The following FZD3 variants were observed in gnomAD, a reference collection of about 807,000 sequenced individuals.
FZD3 encodes the protein frizzled class receptor 3.
In FZD3, 30 loss-of-function variants were observed where a neutral mutation model predicts 60.7. The observed-to-expected ratio is 0.49, with a 90% CI of 0.37 to 0.67. FZD3 has a LOEUF of 0.67. Among genes scored for constraint, FZD3 ranks in the 30% least tolerant of loss-of-function variants. The probability of loss-of-function intolerance (pLI) is 0.00; values close to 1 mark genes in which losing one functional copy is unlikely to be tolerated. For missense variants in FZD3, 605 were observed against 838.7 expected (o/e 0.72, Z 3.44); for synonymous variants, 246 against 275.2 (o/e 0.89, Z 1.05).
chr8:28,562,725 T>A, intron 7 of FZD3, 73 bp from the exon 8 acceptor site: 1 of 927,114 alleles, frequency 1.1e-6, no homozygotes, highest in Non-Finnish European at 1.7e-6. Context: ...GAGGCATTTT[T>A]ATGAAAATTA....
At chr8:28,531,388 AATTT>A (rs987926299) in intron 5 of FZD3, among the ~76,000 whole-genome samples, 25 of 152,162 alleles carry the variant, frequency 1.6e-4, no homozygotes, top group Admixed American at 1.6e-3. Flanking sequence ...ACTATACTGC[AATTT>A]ATTCACTCAT....
intron 5 of FZD3, among the ~76,000 whole-genome samples, chr8:28,536,983 C>A (rs1323667298): frequency 1.3e-5 from 2 of 152,058 alleles, no homozygotes; most frequent in African/African-American, 4.8e-5. Context: ...ATGAGTAATT[C>A]TTTTGTATAA....
chr8:28,541,230 C>G (rs982682838), intron 5 of FZD3, among the ~76,000 whole-genome samples: 1 of 152,182 alleles, frequency 6.6e-6, no homozygotes, highest in Non-Finnish European at 1.5e-5. Flanking sequence ...CCCTCTGGCT[C>G]CAACACTCTG....
At chr8:28,553,234 A>T (rs980200983) in intron 6 of FZD3, among the ~76,000 whole-genome samples, 3 of 152,214 alleles carry the variant, frequency 2.0e-5, no homozygotes, top group Admixed American at 6.5e-5. Flanking sequence ...AATAGCAACC[A>T]AAAAAAATTC....
intron 7 of FZD3, among the ~76,000 whole-genome samples, chr8:28,559,620 A>G (rs1805579531): frequency 6.6e-6 from 1 of 152,246 alleles, no homozygotes; most frequent in South Asian, 2.1e-4. Flanking sequence ...AATGTGGCAC[A>G]TGAATACTAA....
chr8:28,537,679 T>C (rs1805052805), intron 5 of FZD3, among the ~76,000 whole-genome samples: 1 of 152,250 alleles, frequency 6.6e-6, no homozygotes, highest in African/African-American at 2.4e-5. Context: ...ACAAGTATTA[T>C]TCTATGTCAT....
intron 5 of FZD3, among the ~76,000 whole-genome samples, chr8:28,540,379 A>G (rs925739454): frequency 6.6e-6 from 1 of 151,986 alleles, no homozygotes; most frequent in African/African-American, 2.4e-5. Flanking sequence ...ACAGGCGCCC[A>G]CCACCACACC....
chr8:28,542,223 T>C (rs2130433478), intron 5 of FZD3, among the ~76,000 whole-genome samples: 1 of 152,258 alleles, frequency 6.6e-6, no homozygotes, highest in Admixed American at 6.5e-5. Context: ...GCCTCTTTGT[T>C]ATTGTTCTTC....
At chr8:28,560,288 AT>A (rs1277670322) in intron 7 of FZD3, among the ~76,000 whole-genome samples, 1 of 152,220 alleles carries the variant, frequency 6.6e-6, no homozygotes, top group African/African-American at 2.4e-5. Context: ...TTATATTAAA[AT>A]TAATTTACAT....
intron 7 of FZD3, among the ~76,000 whole-genome samples, chr8:28,559,062 A>G (rs1191501913): frequency 6.6e-6 from 1 of 152,242 alleles, no homozygotes; most frequent in African/African-American, 2.4e-5. Context: ...TCGTGAAAGT[A>G]TCTTAAAGGA....
At chr8:28,500,026 G>A (rs905884751) in intron 2 of FZD3, 48 bp downstream of exon 2, 1 of 152,124 alleles carries the variant, frequency 6.6e-6, no homozygotes, top group Non-Finnish European at 1.5e-5. Context: ...ATTTCCAGGG[G>A]AATCCATGAA....
chr8:28,537,606 A>G (rs781690062), intron 5 of FZD3, among the ~76,000 whole-genome samples: 9 of 152,330 alleles, frequency 5.9e-5, no homozygotes, highest in Non-Finnish European at 1.2e-4. Context: ...AAGTATTCCA[A>G]TAAAGCTTTA....
chr8:28,557,476 T>C (rs117592349), intron 7 of FZD3, among the ~76,000 whole-genome samples: 1,842 of 152,042 alleles, frequency 0.012, 19 homozygotes, highest in Non-Finnish European at 0.02. Context: ...TCTGTACTTT[T>C]CTTTTTTAAT....
chr8:28,538,816 C>T (rs1305920901), intron 5 of FZD3, among the ~76,000 whole-genome samples: 1 of 41,030 alleles, frequency 2.4e-5, no homozygotes. Flanking sequence ...TTATAAAATT[C>T]ATTCATTAAT....
chr8:28,530,468 A>T (rs1001952627), intron 5 of FZD3: 1 of 152,152 alleles, frequency 6.6e-6, no homozygotes, highest in South Asian at 2.1e-4. Flanking sequence ...GAAGCTAAGC[A>T]GGGTCGGGCC....
At chr8:28,494,508 G>C (rs913776355) in intron 1 of FZD3, among the ~76,000 whole-genome samples, 165 bp downstream of exon 1, 3 of 152,018 alleles carry the variant, frequency 2.0e-5, no homozygotes, top group Non-Finnish European at 4.4e-5. Context: ...CGTTCCTCTC[G>C]TCGCGGCCAC....
rs1401068685 is a variant in FZD3, at chr8:28,574,080, C to A, written c.*11069C>A. The A allele has an allele frequency of 2.6e-5, 4 of 152,264 alleles. No individual in the cohort carries two copies. The highest frequency in any genetic ancestry group is 9.6e-5 in the African/African-American group (4 of 41,560). The allele number at this position is 152,264 out of a possible 1,614,324, so 9.4% of individuals were successfully genotyped here. A position where few individuals can be genotyped will look rare whatever the true frequency, so the allele number is the denominator to read the frequency against. ...GAGCATGAACTGGGAATTTCACATT[C>A]TCTGATGTGCTTTGCACTCTGCTCT... On this transcript the variant is annotated 3_prime_UTR_variant, in exon 8 of 8. Coordinates refer to ENST00000240093, the MANE Select transcript of FZD3 (RefSeq NM_017412.4).
intron 4 of FZD3, among the ~76,000 whole-genome samples, chr8:28,525,530 G>C (rs950156343): frequency 7.2e-5 from 11 of 152,152 alleles, no homozygotes; most frequent in Non-Finnish European, 1.2e-4. Context: ...GTGGAACCAC[G>C]CTTCCTAAAG....
At chr8:28,499,549 ATTGTGTACAT>A (rs745947909) in intron 1 of FZD3, among the ~76,000 whole-genome samples, 11 of 152,218 alleles carry the variant, frequency 7.2e-5, no homozygotes, top group Non-Finnish European at 1.6e-4. Context: ...GCTGGATGAA[ATTGTGTACAT>A]TTTAAGGGCT....
Sources: gnomAD v4.1 joint callset for allele counts (sites outside exome capture counted in the v4.1 genomes callset) on GRCh38, gnomAD v4.1.1 for gene constraint, MANE v1.5 for transcripts, NCBI Gene and HGNC (gene_info 2026-07-23, HGNC 2026-07-21) for gene names.